The following SNX6 variants were observed in gnomAD, a reference collection of about 807,000 sequenced individuals.
The protein encoded by SNX6 is sorting nexin-6.
A neutral mutation model predicts 63.0 loss-of-function variants in SNX6; 34 were observed. The ratio of observed to expected loss-of-function variants is 0.54; its 90% CI spans 0.41 to 0.72. The LOEUF is 0.72. Ranked by LOEUF, SNX6 falls within the 30% of genes least tolerant of loss-of-function variation. SNX6 has a pLI of 0.00. For missense variants in SNX6, 398 were observed against 471.4 expected (o/e 0.84, Z 1.44); for synonymous variants, 170 against 164.2 (o/e 1.04, Z -0.27).
At chr14:34,577,353 TGCTGGGATTACAGATGTGAGCC>T (rs1415255895) in intron 10 of SNX6, among the ~76,000 whole-genome samples, 1 of 152,112 alleles carries the variant, frequency 6.6e-6, no homozygotes, top group African/African-American at 2.4e-5. Context: ...CCTCCCAAAG[TGCTGGGATTACAGATGTGAGCC>T]GCTGTGCCCA....
At chr14:34,579,778 AG>A (rs1234069991) in intron 10 of SNX6, among the ~76,000 whole-genome samples, 1 of 151,798 alleles carries the variant, frequency 6.6e-6, no homozygotes, top group Non-Finnish European at 1.5e-5. Flanking sequence ...GCCTGAGGCC[AG>A]GAGTTTCAGA....
At chr14:34,608,176 A>C (rs1479854940) in intron 3 of SNX6, 36 bp from the exon 4 acceptor site, 3 of 1,290,104 alleles carry the variant, frequency 2.3e-6, no homozygotes, top group Non-Finnish European at 3.3e-6. Flanking sequence ...TAAAAATCAA[A>C]TTTACACTAA....
chr14:34,627,753 G>C (rs1267633023), intron 2 of SNX6, among the ~76,000 whole-genome samples: 1 of 152,152 alleles, frequency 6.6e-6, no homozygotes, highest in East Asian at 1.9e-4. Flanking sequence ...GCCTCCCAAA[G>C]TGCTGGGATT....
chr14:34,593,231 A>G, intron 7 of SNX6, 81 bp from the exon 8 acceptor site: 1 of 838,036 alleles, frequency 1.2e-6, no homozygotes, highest in Non-Finnish European at 1.8e-6. Context: ...TTATAAATAT[A>G]AAAGATCATC....
chr14:34,629,986 A>C, intron 1 of SNX6, 32 bp from the exon 2 acceptor site: 1 of 1,526,958 alleles, frequency 6.5e-7, no homozygotes, highest in East Asian at 2.5e-5. Context: ...CGCGCCGGGG[A>C]AAAGGATGAG....
chr14:34,569,021 C>T (rs1056196816), intron 11 of SNX6: 17 of 1,458,684 alleles, frequency 1.2e-5, no homozygotes, highest in East Asian at 6.8e-5. Flanking sequence ...AGCAGCTTGA[C>T]GGTGTCCACC....
At chr14:34,564,491 G>C (rs140330303) in intron 13 of SNX6, among the ~76,000 whole-genome samples, 1 of 152,198 alleles carries the variant, frequency 6.6e-6, no homozygotes, top group African/African-American at 2.4e-5. Flanking sequence ...ACAGTTATCA[G>C]AAATCTAAAT....
intron 7 of SNX6, among the ~76,000 whole-genome samples, 197 bp from the exon 8 acceptor site, chr14:34,593,347 A>T (rs1200699940): frequency 6.6e-6 from 1 of 151,974 alleles, no homozygotes; most frequent in African/African-American, 2.4e-5. Context: ...ATCTTCTATG[A>T]CTTTGCAACT....
intron 6 of SNX6, among the ~76,000 whole-genome samples, chr14:34,601,616 G>A (rs1313772787): frequency 1.3e-5 from 2 of 148,190 alleles, no homozygotes; most frequent in East Asian, 4.2e-4. Flanking sequence ...TTTTTGAGAT[G>A]GGAATTTCAG....
intron 2 of SNX6, among the ~76,000 whole-genome samples, chr14:34,622,569 C>CAAAAA (rs35554563): frequency 2.0e-5 from 2 of 99,710 alleles, no homozygotes; most frequent in Non-Finnish European, 2.0e-5. Flanking sequence ...GGCAATAGAG[C>CAAAAA]AAAAAAAAAA....
intron 5 of SNX6, among the ~76,000 whole-genome samples, chr14:34,605,316 C>A (rs1235103322): frequency 6.6e-6 from 1 of 151,950 alleles, no homozygotes. Context: ...GGACCTTTTA[C>A]CTTTTTAAAA....
At position 34,609,645 on chromosome 14, in the gene SNX6, T is replaced by C. The variant is rs1396228210; in HGVS notation, c.152A>G (p.His51Arg). 2 of 1,598,462 alleles carry C rather than the reference T, an allele frequency of 1.3e-6. No individual in the cohort carries two copies. The highest frequency in any genetic ancestry group is 1.1e-5 in the South Asian group (1 of 90,256). Residue 51 changes from histidine (H) to arginine (R), a missense_variant, in exon 3 of 14, where the codon CAC becomes CGC. His to Arg is a conservative substitution (Grantham distance 29). Coordinates refer to ENST00000362031, the MANE Select transcript of SNX6 (RefSeq NM_152233.4). ...GTACAAAATCACATTTACCTTTGTG[T>C]GAACAGTGAATTTTACTTTATCCCG... ...SERDKVKFTV[H>R]TKSSLPNFKQ...
At position 34,567,688 on chromosome 14, in the gene SNX6, T is replaced by C; in HGVS notation, c.1165A>G (p.Lys389Glu). The change falls in exon 13 of 14, where the codon AAG (lysine) becomes GAG (glutamate). Residue 389 changes from lysine (K) to glutamate (E), a missense_variant and splice_region_variant. Coordinates refer to ENST00000362031, the MANE Select transcript of SNX6 (RefSeq NM_152233.4). ...ELAELELKHA[K>E]GNLQLLQNCL... Reference sequence around the variant, plus strand: ...TTAAATCTTTATTACAACACTACCTTTGCATGCTTCAGTTCTAACTCTGCC... The same window carrying C: ...TTAAATCTTTATTACAACACTACCTCTGCATGCTTCAGTTCTAACTCTGCC... 1 of 1,610,338 alleles carries C rather than the reference T, an allele frequency of 6.2e-7. No homozygotes were observed. Among genetic ancestry groups the C allele is most frequent in the Non-Finnish European group, 8.5e-7 (1 of 1,176,758 alleles).
intron 10 of SNX6, among the ~76,000 whole-genome samples, chr14:34,576,526 G>A (rs1566468448): frequency 6.6e-6 from 1 of 150,880 alleles, no homozygotes; most frequent in Non-Finnish European, 1.5e-5. Flanking sequence ...TCGGCTCACT[G>A]CAACCTCTGC....
intron 9 of SNX6, among the ~76,000 whole-genome samples, chr14:34,583,580 G>A (rs1013669534): frequency 2.0e-5 from 3 of 151,508 alleles, no homozygotes; most frequent in Non-Finnish European, 4.4e-5. Context: ...CTGCACCTGC[G>A]AATAGCTACT....
At chr14:34,578,133 G>A (rs1881784850) in intron 10 of SNX6, among the ~76,000 whole-genome samples, 1 of 151,874 alleles carries the variant, frequency 6.6e-6, no homozygotes, top group Admixed American at 6.6e-5. Flanking sequence ...GAGCCCAGGA[G>A]GCAAAGGTTG....
intron 8 of SNX6, among the ~76,000 whole-genome samples, chr14:34,588,422 C>A (rs1882260496): frequency 6.6e-6 from 1 of 152,002 alleles, no homozygotes; most frequent in South Asian, 2.1e-4. Context: ...ACATACCCGG[C>A]CTATTTTTTG....
Position 34,609,211 on chromosome 14 carries a change from C to T in SNX6, c.159+427G>A, listed in dbSNP as rs552193429. Among the ~76,000 whole-genome samples the T allele has an allele frequency of 3.9e-5, 6 of 152,020 alleles. No individual in the cohort carries two copies. The East Asian group carries it at 5.8e-4, about 15-fold the overall frequency. On this transcript the variant is annotated intron_variant, in intron 3 of 13. Coordinates refer to ENST00000362031, the MANE Select transcript of SNX6 (RefSeq NM_152233.4). ...CTAAAAAAAGTACATTTTGGCTGGG[C>T]GCGGTGGCTCACGCCTGTAATCCCA... is the stretch of plus-strand genomic sequence containing the variant.
intron 8 of SNX6, among the ~76,000 whole-genome samples, chr14:34,588,344 G>A (rs545985258): frequency 1.4e-4 from 22 of 151,762 alleles, no homozygotes; most frequent in African/African-American, 3.4e-4. Context: ...GGCTGACCTC[G>A]AACTCCTGAC....
Sources: gnomAD v4.1 joint callset for allele counts (sites outside exome capture counted in the v4.1 genomes callset) on GRCh38, gnomAD v4.1.1 for gene constraint, MANE v1.5 for transcripts, NCBI Gene and HGNC (gene_info 2026-07-23, HGNC 2026-07-21) for gene names.